EFCAB6: variants seen among roughly 807,000 people sequenced by gnomAD.
EFCAB6 encodes the protein EF-hand calcium-binding domain-containing protein 6.
A neutral mutation model predicts 169.8 loss-of-function variants in EFCAB6; 156 were observed. That is an observed-to-expected ratio of 0.92 (90% CI 0.81 to 1.05). The LOEUF (loss-of-function observed/expected upper bound fraction) is 1.05, where lower values mean the gene tolerates loss of function less well. Among genes scored for constraint, EFCAB6 ranks in the 50% least tolerant of loss-of-function variants. The pLI, the probability that EFCAB6 is intolerant of heterozygous loss-of-function variation, is 0.00. For missense variants in EFCAB6, 1,800 were observed against 1,829.1 expected (o/e 0.98, Z 0.29); for synonymous variants, 698 against 676.4 (o/e 1.03, Z -0.50).
At chr22:43,606,290 G>T (rs772070421) in intron 22 of EFCAB6, among the ~76,000 whole-genome samples, 10 of 152,210 alleles carry the variant, frequency 6.6e-5, no homozygotes, top group Non-Finnish European at 1.2e-4. Flanking sequence ...TAATTACCAA[G>T]ACTTTCTCTC....
intron 7 of EFCAB6, 134 bp from the exon 8 acceptor site, chr22:43,731,945 G>C: frequency 6.1e-6 from 3 of 493,928 alleles, no homozygotes; most frequent in South Asian, 9.5e-5. Context: ...GAATTAAAAA[G>C]TAAACCCCAG....
chr22:43,804,130 T>A (rs998275117), intron 2 of EFCAB6, among the ~76,000 whole-genome samples: 3 of 152,224 alleles, frequency 2.0e-5, no homozygotes. Context: ...GTATCTTTTA[T>A]GATCACAATG....
chr22:43,766,348 T>G (rs967709988), intron 4 of EFCAB6, among the ~76,000 whole-genome samples: 1 of 151,990 alleles, frequency 6.6e-6, no homozygotes, highest in Non-Finnish European at 1.5e-5. Context: ...CAAGTGTTTT[T>G]AAATATATAT....
intron 17 of EFCAB6, among the ~76,000 whole-genome samples, chr22:43,656,054 C>G (rs9614251): frequency 0.11 from 16,663 of 152,122 alleles, 1,193 homozygotes; most frequent in Middle Eastern, 0.18. Context: ...GATGGAAGAC[C>G]TTAACACACT....
chr22:43,693,572 A>G (rs760141325), intron 10 of EFCAB6, among the ~76,000 whole-genome samples: 42 of 149,804 alleles, frequency 2.8e-4, no homozygotes, highest in Non-Finnish European at 4.4e-4. Flanking sequence ...AATCATGGGA[A>G]AACTGAGGAA....
intron 15 of EFCAB6, 98 bp downstream of exon 15, chr22:43,671,875 C>T: frequency 7.3e-7 from 1 of 1,361,366 alleles, no homozygotes. Flanking sequence ...ATCAATACTA[C>T]CTATTAATAT....
At chr22:43,566,873 C>T (rs1026985192) in intron 26 of EFCAB6, among the ~76,000 whole-genome samples, 3 of 152,130 alleles carry the variant, frequency 2.0e-5, no homozygotes, top group African/African-American at 7.2e-5. Context: ...CTCGGCCCCT[C>T]GGCTCTCCAG....
At chr22:43,731,282 G>T (rs2059937534) in intron 8 of EFCAB6, among the ~76,000 whole-genome samples, 1 of 152,132 alleles carries the variant, frequency 6.6e-6, no homozygotes, top group Non-Finnish European at 1.5e-5. Flanking sequence ...TCAGCTATTT[G>T]CCCTTTTCTG....
intron 30 of EFCAB6, chr22:43,533,521 A>ATAC (rs2047205212): frequency 6.6e-6 from 1 of 152,234 alleles, no homozygotes; most frequent in Non-Finnish European, 1.5e-5. Context: ...CCAGACCCTT[A>ATAC]TAGGGTTCTA....
chr22:43,678,949 G>A (rs982820353), intron 12 of EFCAB6, among the ~76,000 whole-genome samples: 1 of 152,140 alleles, frequency 6.6e-6, no homozygotes, highest in Non-Finnish European at 1.5e-5. Flanking sequence ...TTCTCTTGAG[G>A]GGTAAATTAA....
In EFCAB6 at chr22:43,611,522, C is replaced by T. The variant is rs144080248; in HGVS notation, c.2563-2922G>A. Among the ~76,000 whole-genome samples the T allele has an allele frequency of 3.3e-5, 5 of 152,244 alleles. No homozygotes were observed. In the East Asian group the frequency reaches 5.8e-4, roughly 18 times the overall value. On this transcript the variant is annotated intron_variant, in intron 21 of 31. Coordinates refer to ENST00000262726, the MANE Select transcript of EFCAB6 (RefSeq NM_022785.4). ...GTTTTTAAATTCATATGGGACTAGG[C>T]GTGGTGGCTCACACCTATAATCCCA...
chr22:43,778,210 T>C (rs1019693337), intron 3 of EFCAB6, among the ~76,000 whole-genome samples: 17 of 152,328 alleles, frequency 1.1e-4, no homozygotes, highest in African/African-American at 4.1e-4. Flanking sequence ...AGCAGCCACA[T>C]GAGGCTGACA....
chr22:43,608,436 C>T, intron 22 of EFCAB6, 46 bp downstream of exon 22: 1 of 1,568,868 alleles, frequency 6.4e-7, no homozygotes, highest in South Asian at 1.1e-5. Flanking sequence ...AGCAAGCACC[C>T]CTAGTCCATA....
At chr22:43,702,371 T>C (rs2058798203) in intron 10 of EFCAB6, among the ~76,000 whole-genome samples, 2 of 152,216 alleles carry the variant, frequency 1.3e-5, no homozygotes, top group Non-Finnish European at 2.9e-5. Flanking sequence ...AGGAACACCT[T>C]GGTGGAAATG....
chr22:43,534,676 T>C lies in EFCAB6; in HGVS notation c.4233+12A>G, dbSNP rs2047282173. 2 of 1,579,366 alleles carry C rather than the reference T, an allele frequency of 1.3e-6. No homozygotes were observed. The highest frequency in any genetic ancestry group is 2.3e-5 in the South Asian group (2 of 85,236). ...CACCTGGCCCCACATTTCCTGCAGG[T>C]GGGCAACATACCATCTTGTGTGCAT... On this transcript the variant is annotated intron_variant, in intron 30 of 31. Coordinates refer to ENST00000262726, the MANE Select transcript of EFCAB6 (RefSeq NM_022785.4).
At chr22:43,721,278 G>A (rs950461493) in intron 8 of EFCAB6, among the ~76,000 whole-genome samples, 2 of 152,178 alleles carry the variant, frequency 1.3e-5, no homozygotes, top group Non-Finnish European at 2.9e-5. Context: ...GAAAGAATCA[G>A]TATCATTAAA....
At chr22:43,667,339 G>A (rs969682780) in intron 16 of EFCAB6, 67 bp from the exon 17 acceptor site, 2 of 1,551,438 alleles carry the variant, frequency 1.3e-6, no homozygotes, top group African/African-American at 2.7e-5. Context: ...CCTCCAGACT[G>A]CACCCATTTC....
At chr22:43,724,563 T>C (rs1423998371) in intron 8 of EFCAB6, among the ~76,000 whole-genome samples, 3 of 151,962 alleles carry the variant, frequency 2.0e-5, no homozygotes, top group Non-Finnish European at 4.4e-5. Flanking sequence ...AGAGACAGGG[T>C]TTCACTGTGT....
At chr22:43,645,112 A>T (rs2056069138) in intron 17 of EFCAB6, among the ~76,000 whole-genome samples, 1 of 152,198 alleles carries the variant, frequency 6.6e-6, no homozygotes, top group Non-Finnish European at 1.5e-5. Flanking sequence ...TGTATCACAT[A>T]CGGAGGTCTT....
Sources: gnomAD v4.1 joint callset for allele counts (sites outside exome capture counted in the v4.1 genomes callset) on GRCh38, gnomAD v4.1.1 for gene constraint, MANE v1.5 for transcripts, NCBI Gene and HGNC (gene_info 2026-07-23, HGNC 2026-07-21) for gene names.